The following COG7 variants were observed in gnomAD, a reference collection of about 807,000 sequenced individuals.
COG7 encodes the protein component of oligomeric golgi complex 7.
A neutral mutation model predicts 91.5 loss-of-function variants in COG7; 49 were observed. That is an observed-to-expected ratio of 0.54 (90% CI 0.43 to 0.68). COG7 has a LOEUF of 0.68. COG7 is among the 30% of genes least tolerant of loss of function. The probability of loss-of-function intolerance (pLI) is 0.00; values close to 1 mark genes in which losing one functional copy is unlikely to be tolerated. For missense variants in COG7, 895 were observed against 961.3 expected (o/e 0.93, Z 0.91); for synonymous variants, 365 against 388.7 (o/e 0.94, Z 0.72).
intron 14 of COG7, 48 bp downstream of exon 14, chr16:23,397,998 G>A (rs1172157169): frequency 1.4e-6 from 2 of 1,462,282 alleles, no homozygotes; most frequent in Admixed American, 1.7e-5. Flanking sequence ...AGACAAGGAA[G>A]GTCTGAAAGA....
chr16:23,431,651 A>G (rs371830851), intron 6 of COG7, among the ~76,000 whole-genome samples: 2 of 151,744 alleles, frequency 1.3e-5, no homozygotes, highest in Non-Finnish European at 2.9e-5. Context: ...TGTACTAAAA[A>G]CACAAAAATT....
chr16:23,391,952 G>A, intron 16 of COG7: 2 of 1,100,500 alleles, frequency 1.8e-6, no homozygotes, highest in South Asian at 4.2e-5. Flanking sequence ...ATGGAGAAGA[G>A]AGCACCCACC....
At chr16:23,396,676 AAAAT>A (rs1963289677) in intron 14 of COG7, among the ~76,000 whole-genome samples, 1 of 152,008 alleles carries the variant, frequency 6.6e-6, no homozygotes, top group African/African-American at 2.4e-5. Context: ...CTCCATCTCA[AAAAT>A]AAATAAATAA....
At chr16:23,446,024 G>T in intron 1 of COG7, 63 bp from the exon 2 acceptor site, 1 of 1,562,736 alleles carries the variant, frequency 6.4e-7, no homozygotes, top group Non-Finnish European at 8.7e-7. Context: ...GTGAAAGTTG[G>T]ACCAGCCACC....
Position 23,388,964 on chromosome 16 carries a change from G to A in COG7, c.2269C>T (p.Arg757Cys), listed in dbSNP as rs576601689. 5.8e-5 allele frequency: 94 copies of A among 1,613,972 alleles called. No homozygotes were observed. Among genetic ancestry groups the A allele is most frequent in the Middle Eastern group, 1.6e-4 (1 of 6,084 alleles). The change falls in exon 17 of 17, where the codon CGC (arginine) becomes TGC (cysteine). Residue 757 changes from arginine to cysteine, a missense_variant. Arg to Cys is a radical substitution (Grantham distance 180). Coordinates refer to ENST00000307149, the MANE Select transcript of COG7 (RefSeq NM_153603.4). ...ATGGTGGCCACGGTGGTGGCCAGGC[G>A]ACGGGGCAGGCCTTTGCTGACCTGT... Reference protein sequence around the residue: ...YRQVSKGLPRRLATTVATMRS... With the variant: ...YRQVSKGLPRCLATTVATMRS...
intron 9 of COG7, chr16:23,416,028 T>A (rs1166873803): frequency 6.6e-6 from 1 of 152,154 alleles, no homozygotes; most frequent in Admixed American, 6.5e-5. Flanking sequence ...ATTTTGATTT[T>A]TTTTTATTTT....
At chr16:23,423,136 C>T (rs955593221) in intron 7 of COG7, among the ~76,000 whole-genome samples, 20 of 151,008 alleles carry the variant, frequency 1.3e-4, no homozygotes, top group Non-Finnish European at 1.8e-4. Flanking sequence ...GAGGCTGAGG[C>T]GGGTCGATCA....
chr16:23,421,856 A>T (rs1963762612), intron 7 of COG7, among the ~76,000 whole-genome samples: 1 of 150,996 alleles, frequency 6.6e-6, no homozygotes, highest in South Asian at 2.1e-4. Flanking sequence ...ATCTCAAAAA[A>T]AAAAAAAAAA....
At chr16:23,407,892 A>T (rs1314255486) in intron 11 of COG7, among the ~76,000 whole-genome samples, 2 of 151,448 alleles carry the variant, frequency 1.3e-5, no homozygotes, top group Non-Finnish European at 2.9e-5. Flanking sequence ...GAACCAATGG[A>T]ATTGTAATCC....
intron 2 of COG7, 126 bp downstream of exon 2, chr16:23,445,687 G>A (rs1596957967): frequency 1.0e-6 from 1 of 953,280 alleles, no homozygotes; most frequent in Admixed American, 1.7e-5. Context: ...CTGGAGTGCT[G>A]GGCAGAATCT....
At chr16:23,445,706 G>A in intron 2 of COG7, 107 bp downstream of exon 2, 2 of 1,112,852 alleles carry the variant, frequency 1.8e-6, no homozygotes, top group Non-Finnish European at 2.8e-6. Flanking sequence ...CTTGAGTGAT[G>A]GTTGGCCTCC....
Position 23,424,784 on chromosome 16 carries a change from G to C in COG7, c.974C>G (p.Ala325Gly), listed in dbSNP as rs1391842869. The change falls in exon 7 of 17, where the codon GCC (alanine) becomes GGC (glycine). Residue 325 changes from alanine to glycine, a missense_variant. By Grantham distance (60) the Ala-to-Gly change is moderately conservative (BLOSUM62 0). Coordinates refer to ENST00000307149, the MANE Select transcript of COG7 (RefSeq NM_153603.4). ...GAGCAGTGCCATCTCCAAGCCCTTG[G>C]CGAAGTGGGCGGTGGCGTCGTAGAA... Reference protein sequence around the residue: ...LEFYDATAHFAKGLEMALLPH... With the variant: ...LEFYDATAHFGKGLEMALLPH... 1 of 1,614,248 alleles carries C rather than the reference G, an allele frequency of 6.2e-7. No individual in the cohort carries two copies. The highest frequency in any genetic ancestry group is 1.7e-5 in the Admixed American group (1 of 60,028).
intron 1 of COG7, among the ~76,000 whole-genome samples, chr16:23,450,381 T>C (rs1964247482): frequency 6.6e-6 from 1 of 152,176 alleles, no homozygotes; most frequent in Admixed American, 6.6e-5. Context: ...CTCCAGATTC[T>C]ATTCTGAGTA....
intron 6 of COG7, among the ~76,000 whole-genome samples, chr16:23,426,076 C>T (rs1366477762): frequency 6.6e-6 from 1 of 152,060 alleles, no homozygotes; most frequent in East Asian, 1.9e-4. Flanking sequence ...ATTAGCTGGG[C>T]ATGGTGGTGC....
intron 14 of COG7, among the ~76,000 whole-genome samples, chr16:23,394,002 CAT>C (rs1158775116): frequency 1.3e-5 from 2 of 148,306 alleles, no homozygotes; most frequent in Non-Finnish European, 3.0e-5. Context: ...AAGATCATGC[CAT>C]TGCACTGCAG....
chr16:23,444,902 C>T (rs377292401), intron 3 of COG7, 146 bp downstream of exon 3: 9 of 754,490 alleles, frequency 1.2e-5, no homozygotes, highest in South Asian at 4.2e-5. Flanking sequence ...GGAAACACAC[C>T]GAGCAGCTTC....
chr16:23,405,126 C>A (rs1963438413), intron 12 of COG7, among the ~76,000 whole-genome samples: 1 of 152,108 alleles, frequency 6.6e-6, no homozygotes, highest in African/African-American at 2.4e-5. Context: ...TGTCCCTGGA[C>A]CCCAAGGGGC....
intron 15 of COG7, among the ~76,000 whole-genome samples, 195 bp downstream of exon 15, chr16:23,393,038 T>G (rs916594812): frequency 1.3e-5 from 2 of 151,952 alleles, no homozygotes; most frequent in African/African-American, 4.8e-5. Context: ...CGTTCCGCAG[T>G]GGGATGTGGT....
At chr16:23,452,313 G>C (rs999953257) in intron 1 of COG7, among the ~76,000 whole-genome samples, 1 of 152,192 alleles carries the variant, frequency 6.6e-6, no homozygotes, top group Non-Finnish European at 1.5e-5. Context: ...TATAATCACA[G>C]TACTTTGGGA....
Sources: gnomAD v4.1 joint callset for allele counts (sites outside exome capture counted in the v4.1 genomes callset) on GRCh38, gnomAD v4.1.1 for gene constraint, MANE v1.5 for transcripts, NCBI Gene and HGNC (gene_info 2026-07-23, HGNC 2026-07-21) for gene names.